The following RPS16 variants were observed in gnomAD, a reference collection of about 807,000 sequenced individuals.
RPS16 encodes ribosomal protein S16.
A neutral mutation model predicts 20.1 loss-of-function variants in RPS16; 2 were observed. The observed-to-expected ratio is 0.10, with a 90% confidence interval of 0.04 to 0.31. The LOEUF is 0.31. RPS16 is among the 10% of genes least tolerant of loss of function. RPS16 has a pLI of 1.00. For missense variants in RPS16, 129 were observed against 198.6 expected, an observed-to-expected ratio of 0.65 and a Z score of 2.11; for synonymous variants, 95 against 76.1, an observed-to-expected ratio of 1.25 and a Z score of -1.29.
At position 39,433,152 on chromosome 19, in the gene RPS16, T is replaced by C; in HGVS notation, c.*121A>G. 1.8e-6 allele frequency: 2 copies of C among 1,124,982 alleles called. No homozygotes were observed. The highest frequency in any genetic ancestry group is 1.4e-5 in the South Asian group (1 of 69,052). 69.7% of individuals were successfully genotyped at this position (1,124,982 alleles called of 1,614,324 possible). On this transcript the variant is annotated 3_prime_UTR_variant, in exon 5 of 5. Coordinates refer to ENST00000251453, the MANE Select transcript of RPS16 (RefSeq NM_001020.6). ...CAGACTGGCAATAGGTCCAGGATGT[T>C]TACTGATTTCTGTCTGGTTAAACAT...
intron 2 of RPS16, chr19:39,435,124 C>G (rs1161761726): frequency 6.3e-6 from 1 of 158,570 alleles, no homozygotes; most frequent in Non-Finnish European, 1.4e-5. Context: ...TATGGCGAAA[C>G]CCCGTCTCTA....
chr19:39,435,721 A>C lies in RPS16; in HGVS notation c.49-13T>G. The stretch of plus-strand genomic sequence containing the variant: ...CTGTCGCTGTCTTCTGTAAGATACA[A>C]GAGAAACAGGGGCCCCGTGAGCTCC... On this transcript the variant is annotated splice_polypyrimidine_tract_variant and intron_variant, in intron 1 of 4. Transcript: ENST00000251453. 6.2e-7 allele frequency: 1 copy of C among 1,612,918 alleles called. No individual in the cohort carries two copies. The highest frequency in any genetic ancestry group is 8.5e-7 in the Non-Finnish European group (1 of 1,179,738).
In RPS16 at chr19:39,433,514, T is replaced by G. The variant is rs1362969495; in HGVS notation, c.295+8A>C. On this transcript the variant is annotated splice_region_variant and intron_variant, in intron 4 of 4. Transcript: ENST00000251453. ...TCTACCTCATGGGAAGGACCCATGC[T>G]CACTCACATTTCTGGTAATAGGCCA... 2.5e-6 allele frequency: 4 copies of G among 1,613,984 alleles called. No individual in the cohort carries two copies. Among genetic ancestry groups the G allele is most frequent in the African/African-American group, 1.3e-5 (1 of 74,928 alleles).
intron 2 of RPS16, 160 bp downstream of exon 2, chr19:39,435,447 C>G: frequency 1.6e-6 from 1 of 610,008 alleles, no homozygotes; most frequent in African/African-American, 1.8e-5. Context: ...TCTTCTGAAC[C>G]CCAAGCCCAG....
chr19:39,434,616 G>A (rs1008792597), intron 2 of RPS16: 32 of 152,184 alleles, frequency 2.1e-4, no homozygotes, highest in Non-Finnish European at 5.9e-5. Context: ...ATGAGACCAA[G>A]GACCAGCCTG....
At chr19:39,435,454 C>T (rs2078855896) in intron 2 of RPS16, 153 bp downstream of exon 2, 9 of 619,068 alleles carry the variant, frequency 1.5e-5, no homozygotes, top group South Asian at 7.9e-5. Flanking sequence ...AACCCCAAGC[C>T]CAGCTCTATT....
chr19:39,434,133 G>A (rs999773824), intron 2 of RPS16: 4 of 301,156 alleles, frequency 1.3e-5, no homozygotes, highest in African/African-American at 8.6e-5. Context: ...GTAGTCGAAA[G>A]CCATCCCTGG....
Position 39,435,680 on chromosome 19 carries a change from T to C in RPS16, c.77A>G (p.Lys26Arg). Residue 26 changes from lysine (K) to arginine (R), a missense_variant, in exon 2 of 5, where the codon AAA becomes AGA. By Grantham distance (26) the Lys-to-Arg change is conservative. Coordinates refer to ENST00000251453, the MANE Select transcript of RPS16 (RefSeq NM_001020.6). ...KKTATAVAHCKRGNGLIKVNG... is the reference protein window; with the variant it reads ...KKTATAVAHCRRGNGLIKVNG... ...CACCTTGATGAGACCATTGCCGCGT[T>C]TGCAGTGCGCCACAGCTGTCGCTGT... The C allele has an allele frequency of 1.2e-6, 2 of 1,614,036 alleles. No homozygotes were observed. The highest frequency in any genetic ancestry group is 1.1e-5 in the South Asian group (1 of 91,088).
At position 39,433,687 on chromosome 19, in the gene RPS16, A is replaced by C. The variant is rs776436625; in HGVS notation, c.225T>G (p.Gly75=). 1.0e-4 allele frequency: 168 copies of C among 1,614,014 alleles called. No homozygotes were observed. The highest frequency in any genetic ancestry group is 1.4e-4 in the Non-Finnish European group (163 of 1,180,020). ...GVDIRVRVKG[G]GHVAQIYAIR... is the part of the protein sequence containing the mutation. Reference sequence around the variant, plus strand: ...CACCATAAATCTGGGCCACGTGACCACCACCCTTTACACGGACACGGATGT... The same window carrying C: ...CACCATAAATCTGGGCCACGTGACCCCCACCCTTTACACGGACACGGATGT... The change falls in exon 3 of 5, where the codon GGT becomes GGG. Residue 75 remains glycine (G), a synonymous_variant. Coordinates refer to ENST00000251453, the MANE Select transcript of RPS16 (RefSeq NM_001020.6).
Position 39,435,724 on chromosome 19 carries a change from G to GA in RPS16, c.49-17dup. Reference sequence around the variant, plus strand: ...TCGCTGTCTTCTGTAAGATACAAGAGAAACAGGGGCCCCGTGAGCTCCGGC... The same window carrying GA: ...TCGCTGTCTTCTGTAAGATACAAGAGAAAACAGGGGCCCCGTGAGCTCCGGC... On this transcript the variant is annotated splice_polypyrimidine_tract_variant and intron_variant, in intron 1 of 4. Transcript: ENST00000251453. The GA allele has an allele frequency of 6.2e-7, 1 of 1,612,546 alleles. No individual in the cohort carries two copies. The highest frequency in any genetic ancestry group is 8.5e-7 in the Non-Finnish European group (1 of 1,179,564).
chr19:39,434,057 G>T (rs941264070), intron 2 of RPS16: 2 of 403,098 alleles, frequency 5.0e-6, no homozygotes, highest in Admixed American at 7.2e-5. Context: ...CTCTAAGACT[G>T]GTTCTTAGAA....
At chr19:39,434,864 T>C (rs750811058) in intron 2 of RPS16, 35 of 152,242 alleles carry the variant, frequency 2.3e-4, no homozygotes, top group Non-Finnish European at 4.0e-4. Context: ...GACCCTGCAA[T>C]GTAGATATTC....
At position 39,433,826 on chromosome 19, in the gene RPS16, G is replaced by A. The variant is rs73547993; in HGVS notation, c.151-65C>T. On this transcript the variant is annotated intron_variant, in intron 2 of 4. Coordinates refer to ENST00000251453, the MANE Select transcript of RPS16 (RefSeq NM_001020.6). ...CTGGGCAGCTTAGCCATCTCACTGG[G>A]CTTCTTGTTTCTGTGGCTTCTGCCA... 3,304 of 1,507,282 alleles carry A rather than the reference G, an allele frequency of 2.2e-3. 61 individuals carry two copies. In the African/African-American group the frequency reaches 0.042, roughly 19 times the overall value. The allele number at this position is 1,507,282 out of a possible 1,614,324, so 93.4% of individuals were successfully genotyped here.
At position 39,435,896 on chromosome 19, in the gene RPS16, G is replaced by A. The variant is rs534082481; in HGVS notation, c.-1C>T. 6.2e-6 allele frequency: 10 copies of A among 1,605,220 alleles called. No individual in the cohort carries two copies. In the Admixed American group the frequency reaches 8.3e-5, roughly 13 times the overall value. ...ACTGCAGCGGGCCCTTGGACGGCAT[G>A]GCTCCGAGCGTGGACTAGACAACCT... is the stretch of plus-strand genomic sequence containing the variant. On this transcript the variant is annotated 5_prime_UTR_variant, in exon 1 of 5. Coordinates refer to ENST00000251453, the MANE Select transcript of RPS16 (RefSeq NM_001020.6).
At chr19:39,435,824 C>T (rs1343638146) in intron 1 of RPS16, 24 bp downstream of exon 1, 3 of 1,610,948 alleles carry the variant, frequency 1.9e-6, no homozygotes, top group East Asian at 2.2e-5. Context: ...TTCCCCTCCC[C>T]TTCCCATCCG....
In RPS16 at chr19:39,435,887, G is replaced by A. The variant is rs765196033; in HGVS notation, c.9C>T (p.Ser3=). Residue 3 remains serine (S), a synonymous_variant, in exon 1 of 5, where the codon TCC becomes TCT. Transcript: ENST00000251453. MP[S]KGPLQSVQVF... is the part of the protein sequence containing the mutation. ...CCTGCACAGACTGCAGCGGGCCCTT[G>A]GACGGCATGGCTCCGAGCGTGGACT... 6.2e-6 allele frequency: 10 copies of A among 1,606,246 alleles called. No individual in the cohort carries two copies. In the East Asian group the frequency reaches 6.7e-5, roughly 11 times the overall value.
rs764447025 is a variant in RPS16, at chr19:39,435,682, G to A, written c.75C>T (p.Cys25=). 6 of 1,613,824 alleles carry A rather than the reference G, an allele frequency of 3.7e-6. No individual in the cohort carries two copies. In the East Asian group the frequency reaches 6.7e-5, roughly 18 times the overall value. The part of the protein sequence containing the change: ...RKKTATAVAH[C]KRGNGLIKVN... ...CCTTGATGAGACCATTGCCGCGTTT[G>A]CAGTGCGCCACAGCTGTCGCTGTCT... The change falls in exon 2 of 5, where the codon TGC becomes TGT. Residue 25 remains cysteine, a synonymous_variant. Coordinates refer to ENST00000251453, the MANE Select transcript of RPS16 (RefSeq NM_001020.6).
chr19:39,434,739 T>G (rs188303069), intron 2 of RPS16: 5 of 152,262 alleles, frequency 3.3e-5, no homozygotes, highest in Non-Finnish European at 1.5e-5. Flanking sequence ...GATCTCCAAC[T>G]CAGGAGTTTA....
rs749533828 is a variant in RPS16 at position 39,433,523 on chromosome 19, T to C, written c.294A>G (p.Lys98=). 5 of 1,614,182 alleles carry C rather than the reference T, an allele frequency of 3.1e-6. No individual in the cohort carries two copies. The highest frequency in any genetic ancestry group is 3.4e-6 in the Non-Finnish European group (4 of 1,179,994). The change falls in exon 4 of 5, where the codon AAA becomes AAG. Residue 98 remains lysine, a splice_region_variant and synonymous_variant. Coordinates refer to ENST00000251453, the MANE Select transcript of RPS16 (RefSeq NM_001020.6). ...ISKALVAYYQ[K]YVDEASKKEI... is the part of the protein sequence containing the mutation. ...TGGGAAGGACCCATGCTCACTCACA[T>C]TTCTGGTAATAGGCCACCAGGGCTT...
Sources: gnomAD v4.1 joint callset for allele counts on GRCh38, gnomAD v4.1.1 for gene constraint, MANE v1.5 for transcripts, NCBI Gene and HGNC (gene_info 2026-07-23, HGNC 2026-07-21) for gene names.